The following RIPOR1 variants were observed in gnomAD, a reference collection of about 807,000 sequenced individuals.
The protein encoded by RIPOR1 is rho family-interacting cell polarization regulator 1.
In RIPOR1, 58 loss-of-function variants were observed where a neutral mutation model predicts 116.5. The ratio of observed to expected loss-of-function variants is 0.50; its 90% CI spans 0.40 to 0.62. RIPOR1 has a LOEUF of 0.62. Among genes scored for constraint, RIPOR1 ranks in the 20% least tolerant of loss-of-function variants. RIPOR1 has a pLI of 0.00. For missense variants in RIPOR1, 1,372 were observed against 1,586.2 expected (o/e 0.86, Z 2.29); for synonymous variants, 605 against 650.0 (o/e 0.93, Z 1.05).
intron 1 of RIPOR1, among the ~76,000 whole-genome samples, chr16:67,520,100 G>A (rs1418560337): frequency 1.4e-5 from 2 of 143,426 alleles, no homozygotes; most frequent in Non-Finnish European, 3.0e-5. Flanking sequence ...TCTGAGGGCC[G>A]AGTGCAGTGG....
chr16:67,522,229 G>A (rs2050501055), intron 1 of RIPOR1, among the ~76,000 whole-genome samples: 1 of 105,590 alleles, frequency 9.5e-6, no homozygotes, highest in Non-Finnish European at 1.8e-5. Context: ...TTGAGACAGA[G>A]TCTTGCTCTG....
In RIPOR1 at chr16:67,544,414, TGCAGTC is replaced by T. The variant is rs772696939; in HGVS notation, c.2719_2724del (p.Ser907_Arg908del). 1 of 1,611,158 alleles carries T rather than the reference TGCAGTC, an allele frequency of 6.2e-7. No homozygotes were observed. Among genetic ancestry groups the T allele is most frequent in the Non-Finnish European group, 8.5e-7 (1 of 1,179,154 alleles). ...TGCCTTGGTCCGGCACCTGTACCAC[TGCAGTC>T]GCCTCCTGCTGGTGAGGCTGATGGT... On this transcript the variant is annotated inframe_deletion, in exon 15 of 22. Coordinates refer to ENST00000042381, the MANE Select transcript of RIPOR1 (RefSeq NM_024519.4). This position sits in a 1 kb window ranked among gnomAD's most constrained non-coding sequence, Gnocchi z 5.1.
chr16:67,546,065 C>T lies in RIPOR1; in HGVS notation c.3471+33C>T, dbSNP rs369342844. 2.4e-5 allele frequency: 38 copies of T among 1,607,648 alleles called. 1 individual carries two copies. Among genetic ancestry groups the T allele is most frequent in the East Asian group, 4.5e-5 (2 of 44,858 alleles). The stretch of plus-strand genomic sequence containing the variant: ...CTGCCAACCCTCCCACCCCTCTGTC[C>T]GCTTCCGGCACCCCCACCCCTGAAA... On this transcript the variant is annotated intron_variant, in intron 20 of 21. Transcript: ENST00000042381.
chr16:67,540,592 A>T lies in RIPOR1; in HGVS notation c.689A>T (p.Tyr230Phe). The T allele has an allele frequency of 6.2e-7, 1 of 1,613,948 alleles. No homozygotes were observed. Among genetic ancestry groups the T allele is most frequent in the Non-Finnish European group, 8.5e-7 (1 of 1,179,888 alleles). ...VGDQYEICMKYGRQRWKLRGR... is the reference protein window; with the variant it reads ...VGDQYEICMKFGRQRWKLRGR... ...CTGTTCCCCCAGATCTGCATGAAAT[A>T]TGGGCGTCAGCGCTGGAAACTACGG... The change falls in exon 10 of 22, where the codon TAT (tyrosine) becomes TTT (phenylalanine). Residue 230 changes from tyrosine (Y) to phenylalanine (F), a missense_variant. Transcript: ENST00000042381. The surrounding 1 kb of genome is among the most constrained non-coding windows in gnomAD (Gnocchi z 4.7).
In RIPOR1 at chr16:67,537,844, G is replaced by C. The variant is rs4329916; in HGVS notation, c.-23-580G>C. Among the ~76,000 whole-genome samples the C allele has an allele frequency of 1.3e-5, 2 of 151,882 alleles. No homozygotes were observed. Among genetic ancestry groups the C allele is most frequent in the African/African-American group, 2.4e-5 (1 of 41,372 alleles). On this transcript the variant is annotated intron_variant, in intron 1 of 21. Coordinates refer to ENST00000042381, the MANE Select transcript of RIPOR1 (RefSeq NM_024519.4). The surrounding 1 kb of genome is among the most constrained non-coding windows in gnomAD (Gnocchi z 4.6). ...CTCTGGGAATCCCCCTGCCTGGAGG[G>C]CGCCGGGACGCCCGGGCCGGTGGGG... is the stretch of plus-strand genomic sequence containing the variant.
Position 67,538,467 on chromosome 16 carries a change from G to C in RIPOR1, c.21G>C (p.Arg7=), listed in dbSNP as rs1325190226. 1.9e-5 allele frequency: 31 copies of C among 1,609,194 alleles called. No homozygotes were observed. Among genetic ancestry groups the C allele is most frequent in the Non-Finnish European group, 2.5e-5 (29 of 1,178,312 alleles). The change falls in exon 2 of 22, where the codon CGG becomes CGC. Residue 7 remains arginine (R), a synonymous_variant. Transcript: ENST00000042381. ...ACTCTATGATGTCCCTGTCGGTGCGGCCGCAGCGCCGTCTGCTCAGCGCCC... is the reference window on the plus strand; with the variant it reads ...ACTCTATGATGTCCCTGTCGGTGCGCCCGCAGCGCCGTCTGCTCAGCGCCC... MMSLSV[R]PQRRLLSARV...
rs770821322 is a variant in RIPOR1, at chr16:67,541,395, A to C, written c.802-35A>C. The C allele has an allele frequency of 4.4e-5, 71 of 1,599,664 alleles. No individual in the cohort carries two copies. Among genetic ancestry groups the C allele is most frequent in the Non-Finnish European group, 6.0e-5 (70 of 1,171,370 alleles). ...TTTCCCATGATCTCATAGCCCCTGC[A>C]CCCTTGTGACCCTACCATGCACTCT... On this transcript the variant is annotated intron_variant, in intron 10 of 21. Transcript: ENST00000042381. This position sits in a 1 kb window ranked among gnomAD's most constrained non-coding sequence, Gnocchi z 4.6.
chr16:67,524,499 C>A (rs958424622), upstream of RIPOR1, among the ~76,000 whole-genome samples: 5 of 152,068 alleles, frequency 3.3e-5, no homozygotes, highest in African/African-American at 4.8e-5. Context: ...CAGCTCAGAC[C>A]CCTCTCTCTT....
At position 67,546,037 on chromosome 16, in the gene RIPOR1, C is replaced by T. The variant is rs371936032; in HGVS notation, c.3471+5C>T. ...CTGGCCCTAGGCTGCATCAAGGTGACCCCTGCCAACCCTCCCACCCCTCTG... is the reference window on the plus strand; with the variant it reads ...CTGGCCCTAGGCTGCATCAAGGTGATCCCTGCCAACCCTCCCACCCCTCTG... On this transcript the variant is annotated splice_donor_5th_base_variant and intron_variant, in intron 20 of 21. Transcript: ENST00000042381. 5 of 1,612,568 alleles carry T rather than the reference C, an allele frequency of 3.1e-6. No homozygotes were observed. Among genetic ancestry groups the T allele is most frequent in the Admixed American group, 1.7e-5 (1 of 60,020 alleles).
At chr16:67,525,778 C>T (rs1481720613), upstream of RIPOR1, among the ~76,000 whole-genome samples, 3 of 152,070 alleles carry the variant, frequency 2.0e-5, no homozygotes, top group Admixed American at 6.5e-5. Flanking sequence ...GGACAGGGCT[C>T]AGGAAATGAT....
At chr16:67,538,307 C>G in intron 1 of RIPOR1, 117 bp from the exon 2 acceptor site, 1 of 1,375,780 alleles carries the variant, frequency 7.3e-7, no homozygotes, top group Non-Finnish European at 9.7e-7. Context: ...CGGCCGGAGC[C>G]CGCTGGGGCA....
rs757242419 is a variant in RIPOR1, at chr16:67,540,390, G to GGCTGGA, written c.631+29_631+34dup. On this transcript the variant is annotated intron_variant, in intron 8 of 21. Transcript: ENST00000042381. This position sits in a 1 kb window ranked among gnomAD's most constrained non-coding sequence, Gnocchi z 4.7. ...TACTGAGTTGTGGGGGCAGGTGGGG[G>GGCTGGA]GCTGGAGGGAGTATGCTGAAGAACC... 4.3e-6 allele frequency: 7 copies of GGCTGGA among 1,614,066 alleles called. No homozygotes were observed. Among genetic ancestry groups the GGCTGGA allele is most frequent in the Middle Eastern group, 1.6e-4 (1 of 6,084 alleles).
At position 67,540,237 on chromosome 16, in the gene RIPOR1, C is replaced by T. The variant is rs780694572; in HGVS notation, c.567+32C>T. 2.2e-5 allele frequency: 36 copies of T among 1,613,618 alleles called. No individual in the cohort carries two copies. The highest frequency in any genetic ancestry group is 1.3e-5 in the Non-Finnish European group (15 of 1,179,810). ...GATGGGGGCCCATGAGGCAGAGGCACAGGGTGTGGCAGGGCTAGTGGCTGG... is the reference window on the plus strand; with the variant it reads ...GATGGGGGCCCATGAGGCAGAGGCATAGGGTGTGGCAGGGCTAGTGGCTGG... On this transcript the variant is annotated intron_variant, in intron 7 of 21. Transcript: ENST00000042381. The surrounding 1 kb of genome is among the most constrained non-coding windows in gnomAD (Gnocchi z 4.7).
rs750263531 is a variant in RIPOR1 at position 67,544,846 on chromosome 16, G to C, written c.2869+16G>C. The C allele has an allele frequency of 6.3e-7, 1 of 1,589,806 alleles. No homozygotes were observed. The highest frequency in any genetic ancestry group is 1.1e-5 in the South Asian group (1 of 89,080). ...GCCCAGGAAGGTAAAGGCCCTGGGG[G>C]TTCGGGCTCTGCCATCTGCCTTGAA... On this transcript the variant is annotated intron_variant, in intron 16 of 21. Transcript: ENST00000042381. This position sits in a 1 kb window ranked among gnomAD's most constrained non-coding sequence, Gnocchi z 5.1.
At chr16:67,528,167 C>T (rs1051496456), upstream of RIPOR1, 1 of 152,318 alleles carries the variant, frequency 6.6e-6, no homozygotes, top group African/African-American at 2.4e-5. Context: ...TGTGGAGGGC[C>T]AGCATTCTAG....
intron 1 of RIPOR1, among the ~76,000 whole-genome samples, chr16:67,533,384 G>C (rs1461586683): frequency 6.6e-6 from 1 of 152,170 alleles, no homozygotes; most frequent in Non-Finnish European, 1.5e-5. Context: ...TGCGGGATCT[G>C]TGCACAGCCC....
In RIPOR1 at chr16:67,542,748, C is replaced by T; in HGVS notation, c.1962C>T (p.Ala654=). The stretch of plus-strand genomic sequence containing the variant: ...GTGGTATGGGCCTAGTCCAGACTGC[C>T]ACAAGTCCCACCCATCCTACCACAA... ...TPSGMGLVQT[A]TSPTHPTTSP... The change falls in exon 13 of 22, where the codon GCC becomes GCT. Residue 654 remains alanine, a synonymous_variant. Coordinates refer to ENST00000042381, the MANE Select transcript of RIPOR1 (RefSeq NM_024519.4). The surrounding 1 kb of genome is among the most constrained non-coding windows in gnomAD (Gnocchi z 4.6). 3 of 1,613,628 alleles carry T rather than the reference C, an allele frequency of 1.9e-6. No homozygotes were observed. The highest frequency in any genetic ancestry group is 2.5e-6 in the Non-Finnish European group (3 of 1,179,864).
chr16:67,535,628 GGTTGCCACTCA>G (rs2050772697), intron 1 of RIPOR1, among the ~76,000 whole-genome samples: 1 of 152,234 alleles, frequency 6.6e-6, no homozygotes, highest in Non-Finnish European at 1.5e-5. Context: ...CTTGGCACAA[GGTTGCCACTCA>G]GTGAATAGGT....
At position 67,543,118 on chromosome 16, in the gene RIPOR1, G is replaced by T. The variant is rs760523194; in HGVS notation, c.2332G>T (p.Val778Phe). 6.6e-7 allele frequency: 1 copy of T among 1,524,218 alleles called. No homozygotes were observed. The allele number at this position is 1,524,218 out of a possible 1,614,324, so 94.4% of individuals were successfully genotyped here. A position where few individuals can be genotyped will look rare whatever the true frequency, so the allele number is the denominator to read the frequency against. ...CCTGGCCATGGCTGTCCAGACCCCA[G>T]TCCCAACGGCAGCCGGAGGGTCTGG... is the stretch of plus-strand genomic sequence containing the variant. ...LCLAMAVQTPVPTAAGGSGDR... is the reference protein window; with the variant it reads ...LCLAMAVQTPFPTAAGGSGDR... Residue 778 changes from valine to phenylalanine, a missense_variant, in exon 13 of 22, where the codon GTC (valine) becomes TTC (phenylalanine). Coordinates refer to ENST00000042381, the MANE Select transcript of RIPOR1 (RefSeq NM_024519.4). The surrounding 1 kb of genome is among the most constrained non-coding windows in gnomAD (Gnocchi z 4.7).
Sources: gnomAD v4.1 joint callset for allele counts (sites outside exome capture counted in the v4.1 genomes callset) on GRCh38, gnomAD v4.1.1 for gene constraint, Gnocchi (gnomAD v3.1) non-coding constraint, MANE v1.5 for transcripts, NCBI Gene and HGNC (gene_info 2026-07-23, HGNC 2026-07-21) for gene names.